The following FGD4 variants were observed in gnomAD, a reference collection of about 807,000 sequenced individuals.
FGD4 encodes FYVE, RhoGEF and PH domain-containing protein 4.
A neutral mutation model predicts 102.0 loss-of-function variants in FGD4; 42 were observed. The ratio of observed to expected loss-of-function variants is 0.41; its 90% CI spans 0.32 to 0.53. The LOEUF is 0.53. FGD4 is among the 20% of genes least tolerant of loss of function. The pLI, the probability that FGD4 is intolerant of heterozygous loss-of-function variation, is 0.21. For synonymous variants in FGD4, 380 were observed against 375.7 expected, an observed-to-expected ratio of 1.01 and a Z score of -0.13; for missense variants, 902 against 1,078.2, an observed-to-expected ratio of 0.84 and a Z score of 2.29.
At chr12:32,581,488 T>C (rs74072674) in intron 3 of FGD4, among the ~76,000 whole-genome samples, 4,376 of 152,278 alleles carry the variant, frequency 0.029, 234 homozygotes, top group African/African-American at 0.1. Flanking sequence ...TAAAAAACTC[T>C]TTGGTTCATA....
At chr12:32,576,621 T>C (rs896975962) in intron 3 of FGD4, among the ~76,000 whole-genome samples, 172 bp downstream of exon 3, 2 of 152,250 alleles carry the variant, frequency 1.3e-5, no homozygotes, top group Non-Finnish European at 2.9e-5. Flanking sequence ...CTTACCCTAA[T>C]ATGAACTGTC....
At chr12:32,563,784 C>T (rs79274419) in intron 1 of FGD4, among the ~76,000 whole-genome samples, 2 of 152,124 alleles carry the variant, frequency 1.3e-5, no homozygotes, top group Non-Finnish European at 2.9e-5. Context: ...GGATCACTCG[C>T]GGTTAGGAGC....
At chr12:32,578,970 T>C (rs1946355495) in intron 3 of FGD4, among the ~76,000 whole-genome samples, 1 of 151,596 alleles carries the variant, frequency 6.6e-6, no homozygotes, top group African/African-American at 2.4e-5. Flanking sequence ...GAGAGTACTC[T>C]TTTTAACCTA....
intron 1 of FGD4, among the ~76,000 whole-genome samples, chr12:32,487,725 C>A (rs1181364897): frequency 6.6e-6 from 1 of 152,216 alleles, no homozygotes; most frequent in African/African-American, 2.4e-5. Flanking sequence ...CCATGCCCAG[C>A]CAATTTATAT....
chr12:32,517,170 T>C (rs1156413920), intron 1 of FGD4, among the ~76,000 whole-genome samples: 1 of 152,240 alleles, frequency 6.6e-6, no homozygotes, highest in South Asian at 2.1e-4. Flanking sequence ...TTAATTCTAA[T>C]TGTTCTCTGT....
intron 1 of FGD4, among the ~76,000 whole-genome samples, chr12:32,403,624 GT>G (rs1940786251): frequency 6.8e-6 from 1 of 148,086 alleles, no homozygotes; most frequent in Non-Finnish European, 1.5e-5. Flanking sequence ...TTGAGACTGA[GT>G]CTTACCCTGT....
At position 32,582,318 on chromosome 12, in the gene FGD4, G is replaced by A. The variant is rs770149172; in HGVS notation, c.862G>A (p.Ala288Thr). The A allele has an allele frequency of 9.3e-6, 15 of 1,614,216 alleles. No individual in the cohort carries two copies. The highest frequency in any genetic ancestry group is 1.2e-5 in the Non-Finnish European group (14 of 1,180,028). The change falls in exon 4 of 17, where the codon GCT (alanine) becomes ACT (threonine). Residue 288 changes from alanine to threonine, a missense_variant. Ala to Thr is a moderately conservative substitution (Grantham distance 58, BLOSUM62 0). Coordinates refer to ENST00000534526, the MANE Select transcript of FGD4 (RefSeq NM_001370298.3). ...SPTTDSCDGN[A>T]SDSSYRTPGI... ...CACAACAGACAGCTGTGATGGAAAT[G>A]CTTCTGACAGTAGCTACAGGACTCC...
chr12:32,599,739 G>T lies in FGD4; in HGVS notation c.1101+1153G>T, dbSNP rs185713653. ...AATTTTTTCTGTCTTTAGTAGAGACGGGGTTTCACCATGTTGGCCAGGCTG... is the reference window on the plus strand; with the variant it reads ...AATTTTTTCTGTCTTTAGTAGAGACTGGGTTTCACCATGTTGGCCAGGCTG... On this transcript the variant is annotated intron_variant, in intron 5 of 16. Coordinates refer to ENST00000534526, the MANE Select transcript of FGD4 (RefSeq NM_001370298.3). Among the ~76,000 whole-genome samples, 278 of 151,002 alleles carry T rather than the reference G, an allele frequency of 1.8e-3. 3 individuals carry two copies. Among genetic ancestry groups the T allele is most frequent in the African/African-American group, 6.3e-3 (260 of 41,140 alleles).
intron 1 of FGD4, among the ~76,000 whole-genome samples, chr12:32,518,388 C>T (rs1055943308): frequency 2.6e-5 from 4 of 151,898 alleles, no homozygotes; most frequent in Admixed American, 1.3e-4. Context: ...TGAGGCAGGA[C>T]AATCGCTTGA....
At chr12:32,542,422 C>A (rs752449882) in intron 1 of FGD4, among the ~76,000 whole-genome samples, 2 of 152,162 alleles carry the variant, frequency 1.3e-5, no homozygotes, top group Non-Finnish European at 2.9e-5. Flanking sequence ...CATTTGTTCA[C>A]CCTTGGTTAC....
chr12:32,526,688 T>C (rs1941256445), intron 1 of FGD4, among the ~76,000 whole-genome samples: 1 of 152,210 alleles, frequency 6.6e-6, no homozygotes, highest in Non-Finnish European at 1.5e-5. Flanking sequence ...CGATAAATCT[T>C]GCTGCTGCTC....
intron 4 of FGD4, among the ~76,000 whole-genome samples, chr12:32,593,938 A>C (rs1307178484): frequency 1.3e-5 from 2 of 152,238 alleles, no homozygotes; most frequent in African/African-American, 4.8e-5. Context: ...AACAAGACTA[A>C]GAAGGCACAT....
chr12:32,522,056 G>A (rs1025598207), intron 1 of FGD4, among the ~76,000 whole-genome samples: 1 of 152,150 alleles, frequency 6.6e-6, no homozygotes, highest in Non-Finnish European at 1.5e-5. Context: ...ATGGAAATGA[G>A]CTGTTTTTTA....
chr12:32,609,821 A>T (rs1351904078), intron 8 of FGD4, among the ~76,000 whole-genome samples: 1 of 152,200 alleles, frequency 6.6e-6, no homozygotes, highest in African/African-American at 2.4e-5. Context: ...GCAGGCCGGT[A>T]TTCACAAAAC....
At position 32,513,630 on chromosome 12, in the gene FGD4, G is replaced by T. The variant is rs918105221; in HGVS notation, c.167-50507G>T. On this transcript the variant is annotated intron_variant, in intron 1 of 16. Coordinates refer to ENST00000534526, the MANE Select transcript of FGD4 (RefSeq NM_001370298.3). ...TTAAGACTGGCACAAGGATGTACAA[G>T]AGAGAAGGAATTGAGAAATTGTAGG... Among the ~76,000 whole-genome samples the T allele has an allele frequency of 2.6e-5, 4 of 152,218 alleles. No homozygotes were observed. In the South Asian group the frequency reaches 8.3e-4, roughly 31 times the overall value.
rs928893334 is a variant in FGD4, at chr12:32,643,198, T to C, written c.*2665T>C. 6 of 152,532 alleles carry C rather than the reference T, an allele frequency of 3.9e-5. No homozygotes were observed. Among genetic ancestry groups the C allele is most frequent in the Non-Finnish European group, 7.4e-5 (5 of 67,946 alleles). The allele number at this position is 152,532 out of a possible 1,614,324, so 9.4% of individuals were successfully genotyped here. A position where few individuals can be genotyped will look rare whatever the true frequency, so the allele number is the denominator to read the frequency against. ...CATTTGGCGTGTTAAGTATGAAATA[T>C]AGTGCAGACTTTTATCTTGGTTTTA... On this transcript the variant is annotated 3_prime_UTR_variant, in exon 17 of 17. Coordinates refer to ENST00000534526, the MANE Select transcript of FGD4 (RefSeq NM_001370298.3).
chr12:32,630,771 G>GC (rs1950456066), intron 14 of FGD4, among the ~76,000 whole-genome samples: 1 of 150,092 alleles, frequency 6.7e-6, no homozygotes, highest in Non-Finnish European at 1.5e-5. Context: ...AGCCGAGATC[G>GC]CGCCACTGCA....
chr12:32,567,917 A>G lies in FGD4; in HGVS notation c.319+3628A>G, dbSNP rs532970658. ...TGGCAAGGCTGGTCTCAAACTCCTG[A>G]CCTCAGGTGATCTGCCTGCCTTGGC... On this transcript the variant is annotated intron_variant, in intron 2 of 16. Coordinates refer to ENST00000534526, the MANE Select transcript of FGD4 (RefSeq NM_001370298.3). 1.1e-4 allele frequency among the ~76,000 whole-genome samples: 17 copies of G among 152,202 alleles called. No individual in the cohort carries two copies. The South Asian group carries it at 3.5e-3, about 32-fold the overall frequency.
intron 3 of FGD4, chr12:32,579,634 G>A (rs1946432415): frequency 6.6e-6 from 1 of 152,222 alleles, no homozygotes. Flanking sequence ...GGAATCCAGA[G>A]ACTGATGTGG....
Sources: allele counts gnomAD v4.1 joint callset (sites outside exome capture counted in the v4.1 genomes callset), GRCh38; gene constraint gnomAD v4.1.1; transcripts MANE v1.5; gene names NCBI Gene and HGNC (gene_info 2026-07-23, HGNC 2026-07-21).